Variants in DMD observed in about 807,000 individuals in gnomAD.
DMD encodes mutant dystrophin.
A neutral mutation model predicts 330.1 loss-of-function variants in DMD; 63 were observed. The ratio of observed to expected loss-of-function variants is 0.19; its 90% confidence interval spans 0.16 to 0.24. DMD has a LOEUF of 0.24. Among genes scored for constraint, DMD ranks in the 10% least tolerant of loss-of-function variants. The probability of loss-of-function intolerance (pLI) is 1.00; values close to 1 mark genes in which losing one functional copy is unlikely to be tolerated. For missense variants in DMD, 3,344 were observed against 2,684.1 expected (o/e 1.25, Z -5.43); for synonymous variants, 1,223 against 959.8 (o/e 1.27, Z -5.07).
rs1557058441 is a variant in DMD, at chrX:32,823,386, A to T, written c.266T>A (p.Val89Asp). Residue 89 changes from valine (V) to aspartate (D), a missense_variant and splice_region_variant, in exon 5 of 79, where the codon GTT becomes GAT. By Grantham distance (152) the Val-to-Asp change is radical (BLOSUM62 -3). Coordinates refer to ENST00000357033, the MANE Select transcript of DMD (RefSeq NM_004006.3). ...AGTACTTCCAATATTCACTAAATCA[A>T]CCTGTTAAAGAAAGGGGTAAAACAT... ...KALRVLQNNN[V>D]DLVNIGSTDI... 8.4e-7 allele frequency: 1 copy of T among 1,186,057 alleles called. No homozygotes were observed. Among genetic ancestry groups the T allele is most frequent in the Non-Finnish European group, 1.1e-6 (1 of 872,484 alleles).
chrX:32,385,323 A>C (rs1033306457), intron 33 of DMD, among the ~76,000 whole-genome samples: 3 of 110,954 alleles, frequency 2.7e-5, no homozygotes, highest in Non-Finnish European at 5.7e-5. Context: ...CTCTTCAATA[A>C]ATGGTTCTGA....
intron 1 of DMD, among the ~76,000 whole-genome samples, chrX:33,049,861 T>A (rs1322998681): frequency 1.8e-5 from 2 of 112,112 alleles, no homozygotes; most frequent in Non-Finnish European, 3.8e-5. Flanking sequence ...TCATTTTTTC[T>A]TTAACCAAAT....
At chrX:32,944,107 C>A (rs745325885) in intron 2 of DMD, among the ~76,000 whole-genome samples, 2 of 111,748 alleles carry the variant, frequency 1.8e-5, no homozygotes, top group East Asian at 5.7e-4. Context: ...GGTGAACATG[C>A]AATATTTGAC....
At chrX:31,759,171 T>C (rs1289717559) in intron 51 of DMD, among the ~76,000 whole-genome samples, 3 of 110,787 alleles carry the variant, frequency 2.7e-5, no homozygotes, top group Non-Finnish European at 3.8e-5. Flanking sequence ...AAAGCTTCTC[T>C]ATATTTCAGG....
intron 1 of DMD, among the ~76,000 whole-genome samples, chrX:33,223,135 C>T (rs1294153649): frequency 3.6e-5 from 4 of 111,070 alleles, no homozygotes; most frequent in Non-Finnish European, 7.5e-5. Context: ...CATCATGAAG[C>T]CCCGTCTGTA....
At chrX:32,732,284 G>C (rs986169579) in intron 7 of DMD, among the ~76,000 whole-genome samples, 8 of 111,340 alleles carry the variant, frequency 7.2e-5, no homozygotes, top group Middle Eastern at 4.6e-3. Context: ...ATCTACGTCT[G>C]ATTGGTGTAC....
intron 44 of DMD, among the ~76,000 whole-genome samples, chrX:32,161,176 A>G (rs780043874): frequency 2.7e-4 from 30 of 112,055 alleles, no homozygotes; most frequent in Non-Finnish European, 5.3e-4. Context: ...CTACCAAGCC[A>G]GGATTATTAT....
chrX:32,949,342 GTAGA>G (rs1193558967), intron 2 of DMD, among the ~76,000 whole-genome samples: 18,366 of 91,036 alleles, frequency 0.2, 1,650 homozygotes, highest in East Asian at 0.35. Flanking sequence ...AGGTAGGTAG[GTAGA>G]TAGATAGATA....
intron 2 of DMD, among the ~76,000 whole-genome samples, chrX:32,979,170 TTC>T (rs1217180956): frequency 4.0e-4 from 45 of 112,497 alleles, no homozygotes; most frequent in Non-Finnish European, 3.8e-5. Context: ...AACAGAAATC[TTC>T]TCATCTCATT....
chrX:32,118,151 G>A (rs959356387), intron 44 of DMD, among the ~76,000 whole-genome samples: 1 of 111,412 alleles, frequency 9.0e-6, no homozygotes, highest in African/African-American at 3.3e-5. Context: ...TATTTTATTG[G>A]CCTGTGAGGT....
chrX:31,748,463 T>C (rs2088052071), intron 51 of DMD, among the ~76,000 whole-genome samples: 1 of 111,973 alleles, frequency 8.9e-6, no homozygotes, highest in African/African-American at 3.2e-5. Flanking sequence ...ATTTTAATAG[T>C]AATATCTGCC....
chrX:32,547,989 T>G (rs1346169128), intron 16 of DMD, among the ~76,000 whole-genome samples: 2 of 111,686 alleles, frequency 1.8e-5, no homozygotes, highest in Non-Finnish European at 3.8e-5. Context: ...CTGATAAATA[T>G]CATTTTCAAA....
intron 2 of DMD, among the ~76,000 whole-genome samples, chrX:33,008,782 A>ATATAT (rs2093451398): frequency 4.9e-5 from 2 of 40,515 alleles, no homozygotes; most frequent in African/African-American, 2.0e-4. Context: ...AACCTAAAAC[A>ATATAT]ACTATATATA....
intron 37 of DMD, among the ~76,000 whole-genome samples, chrX:32,355,871 T>A (rs2097797247): frequency 9.1e-6 from 1 of 110,375 alleles, no homozygotes; most frequent in African/African-American, 3.3e-5. Flanking sequence ...ATAGAAAATT[T>A]TACTAAAAAT....
At chrX:31,831,889 A>G (rs996504200) in intron 49 of DMD, among the ~76,000 whole-genome samples, 1 of 112,807 alleles carries the variant, frequency 8.9e-6, no homozygotes, top group Non-Finnish European at 1.9e-5. Context: ...GGCGCGAGCC[A>G]CCGCGCCCAG....
intron 16 of DMD, among the ~76,000 whole-genome samples, chrX:32,564,759 A>C (rs2051486932): frequency 9.0e-6 from 1 of 111,651 alleles, no homozygotes; most frequent in African/African-American, 3.3e-5. Flanking sequence ...CAATACTACA[A>C]ACTTCATGTC....
intron 9 of DMD, among the ~76,000 whole-genome samples, chrX:32,693,048 T>A (rs969983044): frequency 2.7e-5 from 3 of 111,829 alleles, no homozygotes; most frequent in Non-Finnish European, 5.6e-5. Context: ...TAATGAAGGC[T>A]CTTAAAAGTA....
At chrX:31,128,065 G>A (rs1004682333) in intron 77 of DMD, among the ~76,000 whole-genome samples, 1 of 111,843 alleles carries the variant, frequency 8.9e-6, no homozygotes, top group African/African-American at 3.2e-5. Context: ...ACCAAATGAT[G>A]TTCCCATCAT....
intron 67 of DMD, among the ~76,000 whole-genome samples, chrX:31,186,313 C>T (rs151124071): frequency 4.5e-5 from 5 of 111,884 alleles, no homozygotes; most frequent in East Asian, 5.6e-4. Flanking sequence ...TGGAATACTC[C>T]GGAGCCAGAA....
Sources: allele counts gnomAD v4.1 joint callset (sites outside exome capture counted in the v4.1 genomes callset), GRCh38; gene constraint gnomAD v4.1.1; transcripts MANE v1.5; gene names NCBI Gene and HGNC (gene_info 2026-07-23, HGNC 2026-07-21).